The following CAMK4 variants were observed in gnomAD, a reference collection of about 807,000 sequenced individuals.
CAMK4 encodes the protein calcium/calmodulin dependent protein kinase IV, also known as calcium/calmodulin-dependent protein kinase type IV.
Under a neutral mutation model 44.9 loss-of-function variants are expected in CAMK4, and 22 were observed. The observed-to-expected ratio is 0.49, with a 90% CI of 0.35 to 0.70. The LOEUF (loss-of-function observed/expected upper bound fraction) is 0.70, where lower values mean the gene tolerates loss of function less well. Among genes scored for constraint, CAMK4 ranks in the 30% least tolerant of loss-of-function variants. CAMK4 has a pLI of 0.01. For missense variants in CAMK4, 498 were observed against 586.8 expected, an observed-to-expected ratio of 0.85 and a Z score of 1.56; for synonymous variants, 218 against 215.4, an observed-to-expected ratio of 1.01 and a Z score of -0.11.
chr5:111,280,076 T>A (rs772192129), intron 1 of CAMK4, among the ~76,000 whole-genome samples: 9 of 152,188 alleles, frequency 5.9e-5, no homozygotes, highest in Non-Finnish European at 1.2e-4. Flanking sequence ...AGTAAAAACA[T>A]TGGAAGGCAG....
chr5:111,441,097 C>G (rs1404386328), intron 5 of CAMK4, among the ~76,000 whole-genome samples: 2 of 152,210 alleles, frequency 1.3e-5, no homozygotes, highest in Admixed American at 6.5e-5. Context: ...GCATATTACC[C>G]CAAAGCACCA....
At chr5:111,263,966 C>T (rs1750113307) in intron 1 of CAMK4, among the ~76,000 whole-genome samples, 1 of 152,192 alleles carries the variant, frequency 6.6e-6, no homozygotes, top group South Asian at 2.1e-4. Flanking sequence ...TCCCATTCTT[C>T]CCCTGGTTTA....
chr5:111,478,243 G>T (rs1227841572), intron 8 of CAMK4, 138 bp from the exon 9 acceptor site: 3 of 460,834 alleles, frequency 6.5e-6, no homozygotes, highest in African/African-American at 2.0e-5. Flanking sequence ...TAATAAGGCA[G>T]TTGCATACTT....
chr5:111,358,443 A>G (rs1476789143), intron 2 of CAMK4, among the ~76,000 whole-genome samples: 1 of 152,022 alleles, frequency 6.6e-6, no homozygotes, highest in African/African-American at 2.4e-5. Flanking sequence ...AGTTACCTAT[A>G]CTTATCTCTA....
intron 5 of CAMK4, among the ~76,000 whole-genome samples, chr5:111,421,185 G>T (rs1369750577): frequency 6.6e-6 from 1 of 152,100 alleles, no homozygotes. Context: ...CTCCATTTGG[G>T]GTCCCTGACT....
intron 10 of CAMK4, among the ~76,000 whole-genome samples, chr5:111,483,608 T>C (rs1755505958): frequency 6.6e-6 from 1 of 152,154 alleles, no homozygotes; most frequent in South Asian, 2.1e-4. Context: ...AATTAAATAG[T>C]ATTGACTTCA....
At chr5:111,483,965 G>C in intron 10 of CAMK4, 61 bp from the exon 11 acceptor site, 1 of 1,270,516 alleles carries the variant, frequency 7.9e-7, no homozygotes, top group Non-Finnish European at 1.1e-6. Flanking sequence ...AGCTGGGGTT[G>C]AGCTCTGATG....
intron 1 of CAMK4, among the ~76,000 whole-genome samples, chr5:111,309,262 T>C (rs2112665716): frequency 6.6e-6 from 1 of 152,308 alleles, no homozygotes; most frequent in African/African-American, 2.4e-5. Context: ...ACTTATCAAT[T>C]CTGCCTGGGC....
chr5:111,396,427 A>G (rs1343768679), intron 5 of CAMK4, among the ~76,000 whole-genome samples: 1 of 151,988 alleles, frequency 6.6e-6, no homozygotes, highest in East Asian at 1.9e-4. Flanking sequence ...TAACATATTT[A>G]CCAATTCTGG....
At chr5:111,301,208 C>G (rs545096528) in intron 1 of CAMK4, among the ~76,000 whole-genome samples, 121 of 152,036 alleles carry the variant, frequency 8.0e-4, no homozygotes, top group African/African-American at 2.5e-3. Flanking sequence ...AACATCTCTT[C>G]CTAGCATAAT....
At position 111,355,432 on chromosome 5, in the gene CAMK4, G is replaced by A. The variant is rs114024243; in HGVS notation, c.240+11330G>A. Reference sequence around the variant, plus strand: ...TTCCAGAGCATTGTTATGATTTGATGCATTTTCTTTATTGACATAAACATT... The same window carrying A: ...TTCCAGAGCATTGTTATGATTTGATACATTTTCTTTATTGACATAAACATT... On this transcript the variant is annotated intron_variant, in intron 2 of 10. Coordinates refer to ENST00000282356, the MANE Select transcript of CAMK4 (RefSeq NM_001744.6). Among the ~76,000 whole-genome samples, 1,420 of 151,694 alleles carry A rather than the reference G, an allele frequency of 9.4e-3. 21 individuals carry two copies. Among genetic ancestry groups the A allele is most frequent in the African/African-American group, 0.032 (1,330 of 41,388 alleles).
At chr5:111,469,768 C>G (rs940670771) in intron 7 of CAMK4, among the ~76,000 whole-genome samples, 9 of 152,162 alleles carry the variant, frequency 5.9e-5, no homozygotes, top group African/African-American at 2.2e-4. Context: ...GGTTAGAATG[C>G]TTGTTCTTGT....
At chr5:111,389,466 G>A (rs1751723710) in intron 4 of CAMK4, among the ~76,000 whole-genome samples, 1 of 152,192 alleles carries the variant, frequency 6.6e-6, no homozygotes, top group Non-Finnish European at 1.5e-5. Flanking sequence ...AGAGGAGATT[G>A]TAGTGGGTGA....
chr5:111,271,288 C>A (rs1454732340), intron 1 of CAMK4, among the ~76,000 whole-genome samples: 1 of 152,164 alleles, frequency 6.6e-6, no homozygotes, highest in Non-Finnish European at 1.5e-5. Flanking sequence ...AGACCTTGGG[C>A]ATGCTCATGA....
At position 111,365,574 on chromosome 5, in the gene CAMK4, G is replaced by A. The variant is rs187186179; in HGVS notation, c.241-9276G>A. ...CTACAATGAGGTAGAGTTGCAGGAT[G>A]CATTTGCTGATGGAAGACATTTCAA... On this transcript the variant is annotated intron_variant, in intron 2 of 10. Coordinates refer to ENST00000282356, the MANE Select transcript of CAMK4 (RefSeq NM_001744.6). 4.4e-3 allele frequency among the ~76,000 whole-genome samples: 675 copies of A among 152,198 alleles called. 7 individuals are homozygous for A. Among genetic ancestry groups the A allele is most frequent in the Non-Finnish European group, 6.7e-3 (458 of 67,994 alleles).
At chr5:111,429,729 C>A (rs1305052427) in intron 5 of CAMK4, among the ~76,000 whole-genome samples, 1 of 135,318 alleles carries the variant, frequency 7.4e-6, no homozygotes, top group Non-Finnish European at 1.5e-5. Context: ...GTCTAGATCA[C>A]ACCACTGCAC....
chr5:111,466,842 T>C (rs1200760473), intron 7 of CAMK4, among the ~76,000 whole-genome samples: 1 of 150,320 alleles, frequency 6.7e-6, no homozygotes, highest in Non-Finnish European at 1.5e-5. Flanking sequence ...AGAAAAAAAC[T>C]ATTCTAAAAT....
At chr5:111,385,720 C>T (rs1307101810) in intron 4 of CAMK4, among the ~76,000 whole-genome samples, 2 of 152,136 alleles carry the variant, frequency 1.3e-5, no homozygotes, top group African/African-American at 4.8e-5. Context: ...ACTACAGGCA[C>T]ACGCCACCAG....
chr5:111,297,789 C>G (rs1489913866), intron 1 of CAMK4, among the ~76,000 whole-genome samples: 1 of 152,110 alleles, frequency 6.6e-6, no homozygotes, highest in Non-Finnish European at 1.5e-5. Context: ...GGTACTAATT[C>G]CTCTAGGTTT....
Sources: allele counts gnomAD v4.1 joint callset (sites outside exome capture counted in the v4.1 genomes callset), GRCh38; gene constraint gnomAD v4.1.1; transcripts MANE v1.5; gene names NCBI Gene and HGNC (gene_info 2026-07-23, HGNC 2026-07-21).